KCNMA1: variants seen among roughly 807,000 people sequenced by gnomAD.
The protein encoded by KCNMA1 is Calcium-activated potassium channel subunit alpha-1.
Under a neutral mutation model 140.0 loss-of-function variants are expected in KCNMA1, and 29 were observed. The observed-to-expected ratio is 0.21, with a 90% CI of 0.15 to 0.28. KCNMA1 has a LOEUF of 0.28. Among genes scored for constraint, KCNMA1 ranks in the 10% least tolerant of loss-of-function variants. The probability of loss-of-function intolerance (pLI) is 1.00; values close to 1 mark genes in which losing one functional copy is unlikely to be tolerated. For synonymous variants in KCNMA1, 612 were observed against 611.9 expected (o/e 1.00, Z 0.00); for missense variants, 880 against 1,602.2 (o/e 0.55, Z 7.70).
chr10:77,128,028 A>G (rs1397929981), intron 5 of KCNMA1, among the ~76,000 whole-genome samples: 1 of 152,108 alleles, frequency 6.6e-6, no homozygotes, highest in Non-Finnish European at 1.5e-5. Flanking sequence ...ATAGACCCCA[A>G]ATAAGAGCTC....
chr10:77,125,192 T>C (rs2097706312), intron 5 of KCNMA1, among the ~76,000 whole-genome samples: 1 of 152,192 alleles, frequency 6.6e-6, no homozygotes, highest in East Asian at 1.9e-4. Context: ...ATCAGCTTCC[T>C]AACCGCTTTC....
In KCNMA1 at chr10:77,336,274, C is replaced by A. The variant is rs532535326; in HGVS notation, c.540+67588G>T. ...TCCCAGAAAATTAACCATTACCTAGCTTCCACAGAGGATCCTGCCCTAACC... is the reference window on the plus strand; with the variant it reads ...TCCCAGAAAATTAACCATTACCTAGATTCCACAGAGGATCCTGCCCTAACC... On this transcript the variant is annotated intron_variant, in intron 2 of 27. Coordinates refer to ENST00000286628, the MANE Select transcript of KCNMA1 (RefSeq NM_001161352.2). Among the ~76,000 whole-genome samples, 5 of 152,202 alleles carry A rather than the reference C, an allele frequency of 3.3e-5. No individual in the cohort carries two copies. The East Asian group carries it at 9.7e-4, about 29-fold the overall frequency.
intron 1 of KCNMA1, among the ~76,000 whole-genome samples, chr10:77,570,878 A>G (rs970948731): frequency 2.6e-5 from 4 of 151,680 alleles, no homozygotes; most frequent in Admixed American, 6.6e-5. Context: ...CTGCAGTGAG[A>G]CAGGATTGCG....
chr10:77,396,465 T>A (rs575039774), intron 2 of KCNMA1, among the ~76,000 whole-genome samples: 1 of 152,310 alleles, frequency 6.6e-6, no homozygotes, highest in East Asian at 1.9e-4. Context: ...GAATGTGATA[T>A]ATTTGATTAT....
intron 1 of KCNMA1, among the ~76,000 whole-genome samples, chr10:77,532,732 TAAAG>T (rs920683669): frequency 3.3e-5 from 5 of 152,186 alleles, no homozygotes; most frequent in African/African-American, 1.2e-4. Context: ...ATTTTACAGA[TAAAG>T]CAAGCAAGAC....
At chr10:77,278,418 T>C (rs1158363444) in intron 2 of KCNMA1, among the ~76,000 whole-genome samples, 4 of 152,148 alleles carry the variant, frequency 2.6e-5, no homozygotes, top group African/African-American at 9.7e-5. Context: ...GGGAAGATAA[T>C]CTATCAAAAG....
At chr10:77,151,022 T>C (rs2098406785) in intron 5 of KCNMA1, among the ~76,000 whole-genome samples, 2 of 152,174 alleles carry the variant, frequency 1.3e-5, no homozygotes, top group African/African-American at 4.8e-5. Context: ...CAAAGAAATA[T>C]AACTTTAAAA....
Position 77,083,938 on chromosome 10 carries a change from A to G in KCNMA1, c.1523+699T>C, listed in dbSNP as rs1008807515. On this transcript the variant is annotated intron_variant, in intron 12 of 27. Coordinates refer to ENST00000286628, the MANE Select transcript of KCNMA1 (RefSeq NM_001161352.2). ...CTATAGTACGTTATCTCAGAGATGC[A>G]TATTAGTATTAAAAGCACTGAAAAG... Among the ~76,000 whole-genome samples the G allele has an allele frequency of 3.3e-5, 5 of 152,256 alleles. No individual in the cohort carries two copies. The East Asian group carries it at 9.7e-4, about 29-fold the overall frequency.
At position 76,933,937 on chromosome 10, in the gene KCNMA1, C is replaced by T. The variant is rs115047586; in HGVS notation, c.2902+10836G>A. Among the ~76,000 whole-genome samples, 1,254 of 151,926 alleles carry T rather than the reference C, an allele frequency of 8.3e-3. 21 individuals are homozygous for T. The highest frequency in any genetic ancestry group is 0.029 in the African/African-American group (1,206 of 41,400). On this transcript the variant is annotated intron_variant, in intron 23 of 27. Transcript: ENST00000286628. ...TGGCTTCTTTGCAGTGCCACTTTTT[C>T]TTTCTTTCTTTCTTTCTTTTTCTTT...
At chr10:77,509,097 G>A (rs2047344392) in intron 1 of KCNMA1, among the ~76,000 whole-genome samples, 1 of 126,896 alleles carries the variant, frequency 7.9e-6, no homozygotes, top group African/African-American at 3.0e-5. Context: ...TCATTTTGTT[G>A]GGTTTTGTTG....
chr10:77,236,250 C>T (rs1164415458), intron 3 of KCNMA1, among the ~76,000 whole-genome samples: 1 of 152,170 alleles, frequency 6.6e-6, no homozygotes, highest in Non-Finnish European at 1.5e-5. Flanking sequence ...ATGAAAGCAC[C>T]ATATTTGGAT....
chr10:77,351,403 C>T (rs2092862920), intron 2 of KCNMA1, among the ~76,000 whole-genome samples: 1 of 152,284 alleles, frequency 6.6e-6, no homozygotes, highest in Middle Eastern at 3.4e-3. Flanking sequence ...CAGACTCCAG[C>T]CTATTTGGTA....
At chr10:77,375,886 G>A (rs1047498073) in intron 2 of KCNMA1, among the ~76,000 whole-genome samples, 17 of 152,172 alleles carry the variant, frequency 1.1e-4, no homozygotes, top group African/African-American at 4.1e-4. Context: ...GGCTGGCTGT[G>A]GCTGCATCCA....
intron 2 of KCNMA1, among the ~76,000 whole-genome samples, chr10:77,303,806 T>G (rs747530718): frequency 5.7e-4 from 87 of 152,208 alleles, no homozygotes; most frequent in Non-Finnish European, 9.3e-4. Flanking sequence ...TCAGGGTCTG[T>G]GCTCTTCGCC....
chr10:77,085,877 C>T (rs577239070), intron 11 of KCNMA1, among the ~76,000 whole-genome samples: 20 of 152,186 alleles, frequency 1.3e-4, no homozygotes, highest in Admixed American at 3.9e-4. Context: ...GCCATTTTGC[C>T]TTGTACCTTT....
chr10:77,363,386 G>T (rs1465115124), intron 2 of KCNMA1, among the ~76,000 whole-genome samples: 7 of 152,146 alleles, frequency 4.6e-5, no homozygotes, highest in Non-Finnish European at 1.0e-4. Context: ...ACACAGCAGG[G>T]ACCAAAGCCA....
Position 77,183,632 on chromosome 10 carries a change from T to G in KCNMA1, c.697-100A>C, listed in dbSNP as rs41274576. 5 of 814,396 alleles carry G rather than the reference T, an allele frequency of 6.1e-6. No homozygotes were observed. The East Asian group carries it at 1.3e-4, about 22-fold the overall frequency. 50.4% of individuals were successfully genotyped at this position (814,396 alleles called of 1,614,324 possible). Reference sequence around the variant, plus strand: ...TCAAAGGGTAAGTTTTGAGTTTTCATAGGGCCACCACGCCCGGCTAATTTT... The same window carrying G: ...TCAAAGGGTAAGTTTTGAGTTTTCAGAGGGCCACCACGCCCGGCTAATTTT... On this transcript the variant is annotated intron_variant, in intron 4 of 27. Transcript: ENST00000286628.
chr10:77,188,962 T>C (rs2154134761), intron 3 of KCNMA1, among the ~76,000 whole-genome samples: 1 of 152,262 alleles, frequency 6.6e-6, no homozygotes. Flanking sequence ...CTGGGTTTCC[T>C]GCAGTCTGTT....
At chr10:77,296,841 A>G (rs2075240511) in intron 2 of KCNMA1, among the ~76,000 whole-genome samples, 1 of 145,318 alleles carries the variant, frequency 6.9e-6, no homozygotes, top group Non-Finnish European at 1.5e-5. Flanking sequence ...AAAAAAACAG[A>G]TGAGAGGTCC....
Sources: gnomAD v4.1 joint callset for allele counts (sites outside exome capture counted in the v4.1 genomes callset) on GRCh38, gnomAD v4.1.1 for gene constraint, MANE v1.5 for transcripts, NCBI Gene and HGNC (gene_info 2026-07-23, HGNC 2026-07-21) for gene names.